SEPTIN12: variants seen among roughly 807,000 people sequenced by gnomAD.
SEPTIN12 encodes septin 12, also known as septin-12.
SEPTIN12 carries 42 observed loss-of-function variants against 37.7 expected under a neutral mutation model. The ratio of observed to expected loss-of-function variants is 1.11; its 90% CI spans 0.87 to 1.44. The LOEUF is 1.44. Among genes scored for constraint, SEPTIN12 ranks in the 40% most tolerant of loss-of-function variants. SEPTIN12 has a pLI of 0.00. For synonymous variants in SEPTIN12, 254 were observed against 196.7 expected (o/e 1.29, Z -2.44); for missense variants, 613 against 479.2 (o/e 1.28, Z -2.61).
At chr16:4,787,351 T>C in intron 2 of SEPTIN12, 129 bp downstream of exon 2, 4 of 841,782 alleles carry the variant, frequency 4.8e-6, no homozygotes, top group South Asian at 2.8e-5. Flanking sequence ...ACAACATCCC[T>C]GTGAGGTGCT....
chr16:4,778,905 C>T (rs7196978), intron 8 of SEPTIN12, among the ~76,000 whole-genome samples: 9,690 of 150,674 alleles, frequency 0.064, 1,039 homozygotes, highest in African/African-American at 0.22. Context: ...TTTGGGAGGC[C>T]GAGGCGGGCA....
chr16:4,788,492 A>G (rs1224055837), upstream of SEPTIN12: 1 of 152,182 alleles, frequency 6.6e-6, no homozygotes, highest in African/African-American at 2.4e-5. Flanking sequence ...TAATAATACA[A>G]TAATCCCCAA....
chr16:4,789,007 A>G (rs561729695), upstream of SEPTIN12, among the ~76,000 whole-genome samples: 72 of 152,228 alleles, frequency 4.7e-4, no homozygotes, highest in African/African-American at 1.7e-3. Flanking sequence ...TGTCTCTCTG[A>G]TAAGCTGTTT....
At position 4,783,709 on chromosome 16, in the gene SEPTIN12, C is replaced by T. The variant is rs745727659; in HGVS notation, c.570G>A (p.Val190=). Residue 190 remains valine (V), a synonymous_variant, in exon 6 of 10, where the codon GTG becomes GTA. Coordinates refer to ENST00000268231, the MANE Select transcript of SEPTIN12 (RefSeq NM_144605.5). The part of the protein sequence containing the change: ...LQRLCRTVNV[V]PVIARADSLT... ...GGCTGTCGGCCCTGGCAATCACGGGCACCACATTCACAGTCCGGCACAGCC... is the reference window on the plus strand; with the variant it reads ...GGCTGTCGGCCCTGGCAATCACGGGTACCACATTCACAGTCCGGCACAGCC... The T allele has an allele frequency of 5.0e-6, 8 of 1,614,102 alleles. No individual in the cohort carries two copies. Among genetic ancestry groups the T allele is most frequent in the East Asian group, 4.5e-5 (2 of 44,880 alleles).
chr16:4,786,503 C>T (rs998743705), intron 2 of SEPTIN12, among the ~76,000 whole-genome samples: 5 of 151,396 alleles, frequency 3.3e-5, no homozygotes, highest in Non-Finnish European at 7.4e-5. Context: ...TACAGGCGCC[C>T]GCCACCACGC....
intron 4 of SEPTIN12, 193 bp from the exon 5 acceptor site, chr16:4,784,261 A>T: frequency 6.7e-6 from 4 of 601,276 alleles, no homozygotes. Context: ...ACCTCCTGCC[A>T]TTCTCGGCTT....
chr16:4,784,934 A>C (rs2082419762), intron 4 of SEPTIN12, among the ~76,000 whole-genome samples: 3 of 151,424 alleles, frequency 2.0e-5, no homozygotes, highest in African/African-American at 7.3e-5. Flanking sequence ...ACATGGGGAA[A>C]TCCCCGTCTC....
At chr16:4,784,849 C>T (rs1034685622) in intron 4 of SEPTIN12, among the ~76,000 whole-genome samples, 3 of 151,974 alleles carry the variant, frequency 2.0e-5, no homozygotes, top group African/African-American at 7.2e-5. Context: ...GTGGCTTATG[C>T]GTGTAATCCC....
chr16:4,778,182 G>C (rs1160121218), intron 8 of SEPTIN12, 45 bp from the exon 9 acceptor site: 1 of 1,591,500 alleles, frequency 6.3e-7, no homozygotes, highest in Non-Finnish European at 8.6e-7. Flanking sequence ...AGTGAGCACT[G>C]AGTAAGTGCC....
In SEPTIN12 at chr16:4,787,360, C is replaced by A. The variant is rs2082471633; in HGVS notation, c.166+120G>T. 1.0e-5 allele frequency: 9 copies of A among 880,032 alleles called. 1 individual carries two copies. Among genetic ancestry groups the A allele is most frequent in the African/African-American group, 1.6e-5 (1 of 61,316 alleles). 54.5% of individuals were successfully genotyped at this position (880,032 alleles called of 1,614,324 possible). A position where few individuals can be genotyped will look rare whatever the true frequency, so the allele number is the denominator to read the frequency against. On this transcript the variant is annotated intron_variant, in intron 2 of 9. Transcript: ENST00000268231. The stretch of plus-strand genomic sequence containing the variant: ...TCAATGACAACATCCCTGTGAGGTG[C>A]TATTATCAGGCCCACCTAAGAGATG...
At chr16:4,778,936 G>A (rs966378563) in intron 8 of SEPTIN12, among the ~76,000 whole-genome samples, 4 of 151,846 alleles carry the variant, frequency 2.6e-5, no homozygotes, top group Non-Finnish European at 5.9e-5. Context: ...TCAGGAGTTT[G>A]AGACCAGCCT....
chr16:4,778,755 G>A (rs1399520107), intron 8 of SEPTIN12, among the ~76,000 whole-genome samples: 4 of 150,080 alleles, frequency 2.7e-5, no homozygotes, highest in African/African-American at 9.8e-5. Flanking sequence ...AGCCAAGATC[G>A]CTCCACTGCA....
chr16:4,782,189 A>G lies in SEPTIN12; in HGVS notation c.726+1273T>C, dbSNP rs2082379722. Among the ~76,000 whole-genome samples, 3 of 151,892 alleles carry G rather than the reference A, an allele frequency of 2.0e-5. 1 individual carries two copies. Among genetic ancestry groups the G allele is most frequent in the South Asian group, 4.2e-4 (2 of 4,810 alleles). ...GGTCTCGAACCCCTGGCCGCAAGTGATCTGCCCACCTCAGCTTCCCAAAGT... is the reference window on the plus strand; with the variant it reads ...GGTCTCGAACCCCTGGCCGCAAGTGGTCTGCCCACCTCAGCTTCCCAAAGT... On this transcript the variant is annotated intron_variant, in intron 7 of 9. Transcript: ENST00000268231.
At chr16:4,790,832 G>A (rs929693063), upstream of SEPTIN12, among the ~76,000 whole-genome samples, 1 of 152,156 alleles carries the variant, frequency 6.6e-6, no homozygotes, top group Non-Finnish European at 1.5e-5. Flanking sequence ...ATAAATAAAG[G>A]CTTAGAGGTT....
intron 2 of SEPTIN12, among the ~76,000 whole-genome samples, chr16:4,787,034 C>T (rs1356355055): frequency 6.6e-6 from 1 of 152,038 alleles, no homozygotes; most frequent in Non-Finnish European, 1.5e-5. Context: ...CACCACCACG[C>T]CTGGCAAATT....
At chr16:4,778,469 C>T (rs889958480) in intron 8 of SEPTIN12, among the ~76,000 whole-genome samples, 1 of 152,232 alleles carries the variant, frequency 6.6e-6, no homozygotes, top group African/African-American at 2.4e-5. Context: ...GAACCACCCT[C>T]TGCGGATAGC....
chr16:4,785,176 G>A (rs1333596090), intron 4 of SEPTIN12, among the ~76,000 whole-genome samples: 4 of 152,154 alleles, frequency 2.6e-5, no homozygotes, highest in South Asian at 2.1e-4. Context: ...CTTGAACCCC[G>A]GGAGGCGGAG....
chr16:4,789,382 G>A (rs1415711841), upstream of SEPTIN12, among the ~76,000 whole-genome samples: 2 of 150,554 alleles, frequency 1.3e-5, no homozygotes, highest in Admixed American at 6.6e-5. Flanking sequence ...CTGGAGTTTA[G>A]TGGCATGATC....
intron 7 of SEPTIN12, 113 bp downstream of exon 7, chr16:4,783,349 T>G (rs1367295575): frequency 9.5e-6 from 8 of 844,052 alleles, no homozygotes; most frequent in Non-Finnish European, 1.6e-5. Context: ...GAATCATATC[T>G]GCTAGGAATA....
Sources: allele counts gnomAD v4.1 joint callset (sites outside exome capture counted in the v4.1 genomes callset), GRCh38; gene constraint gnomAD v4.1.1; transcripts MANE v1.5; gene names NCBI Gene and HGNC (gene_info 2026-07-23, HGNC 2026-07-21).